The following BMPR1B variants were observed in gnomAD, a reference collection of about 807,000 sequenced individuals.
BMPR1B encodes bone morphogenetic protein receptor type-1B.
BMPR1B carries 12 observed loss-of-function variants against 59.1 expected under a neutral mutation model. That is an observed-to-expected ratio of 0.20 (90% CI 0.13 to 0.33). The LOEUF (loss-of-function observed/expected upper bound fraction) is 0.33. Ranked by LOEUF, BMPR1B falls within the 10% of genes least tolerant of loss-of-function variation. The pLI, the probability that BMPR1B is intolerant of heterozygous loss-of-function variation, is 1.00. For missense variants in BMPR1B, 550 were observed against 610.9 expected (o/e 0.90, Z 1.05); for synonymous variants, 237 against 207.3 (o/e 1.14, Z -1.23).
intron 2 of BMPR1B, among the ~76,000 whole-genome samples, chr4:94,974,641 C>T (rs1384322419): frequency 1.3e-5 from 2 of 152,166 alleles, no homozygotes; most frequent in East Asian, 3.8e-4. Context: ...CAGTTTAGCA[C>T]TTAATTGTTT....
chr4:94,949,385 C>T (rs1429490816), intron 2 of BMPR1B, among the ~76,000 whole-genome samples: 6 of 99,874 alleles, frequency 6.0e-5, no homozygotes, highest in African/African-American at 1.8e-4. Flanking sequence ...GGCGCAATCT[C>T]GGCTCACTGC....
chr4:94,891,986 T>G (rs1727414947), intron 2 of BMPR1B, among the ~76,000 whole-genome samples: 1 of 152,102 alleles, frequency 6.6e-6, no homozygotes, highest in African/African-American at 2.4e-5. Context: ...ATTGAGTCCC[T>G]CTGACATATA....
At chr4:94,875,268 GGT>G (rs1165653902) in intron 1 of BMPR1B, among the ~76,000 whole-genome samples, 1 of 152,172 alleles carries the variant, frequency 6.6e-6, no homozygotes, top group Non-Finnish European at 1.5e-5. Flanking sequence ...AGAACTTTGA[GGT>G]GTTCTTGATC....
rs188557150 is a variant in BMPR1B, at chr4:95,117,023, G to A, written c.349+1236G>A. Among the ~76,000 whole-genome samples the A allele has an allele frequency of 3.3e-5, 5 of 152,234 alleles. No individual in the cohort carries two copies. In the East Asian group the frequency reaches 7.7e-4, roughly 24 times the overall value. On this transcript the variant is annotated intron_variant, in intron 6 of 12. Transcript: ENST00000515059. ...TTTGTTCAGAAATATCTCATTAGTA[G>A]AGTTAGATTATAAAGTGTATTAAGG...
intron 2 of BMPR1B, among the ~76,000 whole-genome samples, chr4:94,987,370 T>C (rs1721486281): frequency 6.6e-6 from 1 of 151,600 alleles, no homozygotes; most frequent in Non-Finnish European, 1.5e-5. Context: ...CCAGTGTTTT[T>C]GTTTTTTTAA....
At chr4:95,048,189 C>T (rs1471566116) in intron 3 of BMPR1B, among the ~76,000 whole-genome samples, 4 of 152,112 alleles carry the variant, frequency 2.6e-5, no homozygotes, top group African/African-American at 9.7e-5. Flanking sequence ...TTTATCCAGT[C>T]TACTGCTGAT....
intron 2 of BMPR1B, among the ~76,000 whole-genome samples, chr4:94,900,399 A>G (rs1211553896): frequency 6.6e-6 from 1 of 151,984 alleles, no homozygotes; most frequent in Non-Finnish European, 1.5e-5. Context: ...CATGTTAATC[A>G]GAGTGTTAAG....
intron 3 of BMPR1B, among the ~76,000 whole-genome samples, chr4:95,095,720 C>T (rs1730324291): frequency 6.6e-6 from 1 of 151,956 alleles, no homozygotes. Context: ...AGTCTCATAT[C>T]CATTTCTAAG....
At position 94,959,521 on chromosome 4, in the gene BMPR1B, G is replaced by A. The variant is rs1323959492; in HGVS notation, c.-112-36519G>A. Among the ~76,000 whole-genome samples, 7 of 151,810 alleles carry A rather than the reference G, an allele frequency of 4.6e-5. No homozygotes were observed. The East Asian group carries it at 9.7e-4, about 21-fold the overall frequency. ...TTCCTCAAAGTTGAATATTACTTTG[G>A]GTTTATTAAAATATTTCTTACTTCT... On this transcript the variant is annotated intron_variant, in intron 2 of 12. Coordinates refer to ENST00000515059, the MANE Select transcript of BMPR1B (RefSeq NM_001203.3).
chr4:95,087,352 T>C (rs1412957983), intron 3 of BMPR1B, among the ~76,000 whole-genome samples: 1 of 152,216 alleles, frequency 6.6e-6, no homozygotes, highest in Non-Finnish European at 1.5e-5. Context: ...CATTTTAACA[T>C]GCTAGAGATA....
intron 10 of BMPR1B, among the ~76,000 whole-genome samples, chr4:95,147,358 T>C (rs2149323886): frequency 6.6e-6 from 1 of 152,198 alleles, no homozygotes; most frequent in South Asian, 2.1e-4. Context: ...AATGACACCA[T>C]GTATTTCATG....
At chr4:94,924,795 G>A (rs1376519727) in intron 2 of BMPR1B, among the ~76,000 whole-genome samples, 1 of 152,106 alleles carries the variant, frequency 6.6e-6, no homozygotes, top group African/African-American at 2.4e-5. Context: ...TGAGTCTTTG[G>A]TTATTTGTTG....
rs1727602903 is a variant in BMPR1B, at chr4:94,896,746, G to A, written c.-113+20846G>A. 2.0e-5 allele frequency among the ~76,000 whole-genome samples: 3 copies of A among 151,896 alleles called. No individual in the cohort carries two copies. In the South Asian group the frequency reaches 6.2e-4, roughly 32 times the overall value. On this transcript the variant is annotated intron_variant, in intron 2 of 12. Transcript: ENST00000515059. Reference sequence around the variant, plus strand: ...AAAATACAGGTATAAGCAAGCCTTTGTAGAAAATTATTGGCTCTTAGAATA... The same window carrying A: ...AAAATACAGGTATAAGCAAGCCTTTATAGAAAATTATTGGCTCTTAGAATA...
chr4:95,089,959 G>A (rs1236264188), intron 3 of BMPR1B, among the ~76,000 whole-genome samples: 2 of 152,070 alleles, frequency 1.3e-5, no homozygotes, highest in Non-Finnish European at 2.9e-5. Flanking sequence ...GGGAATACTA[G>A]TAAAACATCT....
At chr4:95,001,444 G>C (rs537841423) in intron 3 of BMPR1B, among the ~76,000 whole-genome samples, 1 of 152,148 alleles carries the variant, frequency 6.6e-6, no homozygotes, top group East Asian at 1.9e-4. Flanking sequence ...TACCCTTTCT[G>C]GCTCTCCTGA....
At chr4:94,978,980 G>A (rs1015744650) in intron 2 of BMPR1B, among the ~76,000 whole-genome samples, 8 of 123,934 alleles carry the variant, frequency 6.5e-5, no homozygotes, top group Non-Finnish European at 1.2e-4. Context: ...ACACACACAC[G>A]AAAGGTAAGA....
chr4:94,792,747 T>C (rs1268726599), intron 1 of BMPR1B, among the ~76,000 whole-genome samples: 1 of 152,194 alleles, frequency 6.6e-6, no homozygotes, highest in Non-Finnish European at 1.5e-5. Flanking sequence ...ACTGTAAAAT[T>C]ATAACATTTA....
intron 2 of BMPR1B, among the ~76,000 whole-genome samples, chr4:94,931,525 G>A (rs948539989): frequency 1.3e-5 from 2 of 152,050 alleles, no homozygotes; most frequent in Non-Finnish European, 2.9e-5. Flanking sequence ...GGCTCTCAGT[G>A]AAGCTCTGCA....
chr4:95,016,152 A>G (rs1723574007), intron 3 of BMPR1B, among the ~76,000 whole-genome samples: 1 of 152,236 alleles, frequency 6.6e-6, no homozygotes, highest in Non-Finnish European at 1.5e-5. Flanking sequence ...CTTTCAAGTA[A>G]AAACTGCAAT....
Sources: allele counts gnomAD v4.1 joint callset (sites outside exome capture counted in the v4.1 genomes callset), GRCh38; gene constraint gnomAD v4.1.1; transcripts MANE v1.5; gene names NCBI Gene and HGNC (gene_info 2026-07-23, HGNC 2026-07-21).